Variants in GFRA1 observed in about 807,000 individuals in gnomAD.
GFRA1 encodes the protein GDNF family receptor alpha 1.
In GFRA1, 16 loss-of-function variants were observed where a neutral mutation model predicts 51.6. That is an observed-to-expected ratio of 0.31 (90% CI 0.21 to 0.47). GFRA1 has a LOEUF of 0.47. GFRA1 is among the 20% of genes least tolerant of loss of function. The pLI, the probability that GFRA1 is intolerant of heterozygous loss-of-function variation, is 1.00. For missense variants in GFRA1, 530 were observed against 594.3 expected (o/e 0.89, Z 1.13); for synonymous variants, 270 against 241.3 (o/e 1.12, Z -1.10).
intron 4 of GFRA1, among the ~76,000 whole-genome samples, chr10:116,227,927 A>C (rs1463217041): frequency 6.6e-6 from 1 of 152,212 alleles, no homozygotes; most frequent in African/African-American, 2.4e-5. Context: ...AATGTTCCTC[A>C]GTTAGAGGCT....
rs147775304 is a variant in GFRA1, at chr10:116,261,247, T to G, written c.418+8256A>C. On this transcript the variant is annotated intron_variant, in intron 4 of 10. Transcript: ENST00000355422. ...CCATTTACAAGCAAACACCTAATTT[T>G]ACTTGTCATCACTGTCCTAGACAAT... Among the ~76,000 whole-genome samples, 158 of 152,342 alleles carry G rather than the reference T, an allele frequency of 1.0e-3. 1 individual carries two copies. Among genetic ancestry groups the G allele is most frequent in the Admixed American group, 9.2e-3 (141 of 15,302 alleles).
chr10:116,188,350 C>A (rs1437706996), intron 5 of GFRA1, among the ~76,000 whole-genome samples: 1 of 152,164 alleles, frequency 6.6e-6, no homozygotes, highest in Non-Finnish European at 1.5e-5. Context: ...AATAGTGGAA[C>A]AGGCTGGACA....
intron 4 of GFRA1, among the ~76,000 whole-genome samples, chr10:116,224,785 A>G (rs1966163967): frequency 1.3e-5 from 2 of 152,158 alleles, no homozygotes; most frequent in South Asian, 4.1e-4. Flanking sequence ...CTCTGAATAT[A>G]CTAAAATCCA....
At chr10:116,079,086 C>T (rs939330528) in intron 9 of GFRA1, among the ~76,000 whole-genome samples, 5 of 151,950 alleles carry the variant, frequency 3.3e-5, no homozygotes, top group South Asian at 4.2e-4. Flanking sequence ...GCGCTGGATG[C>T]GTAAAAACAC....
intron 4 of GFRA1, among the ~76,000 whole-genome samples, chr10:116,214,134 T>C (rs538806626): frequency 2.0e-5 from 3 of 152,010 alleles, no homozygotes; most frequent in Admixed American, 6.6e-5. Context: ...CTGGAACCCA[T>C]AGTCTGCACC....
intron 5 of GFRA1, among the ~76,000 whole-genome samples, chr10:116,176,695 C>T (rs1961636718): frequency 6.6e-6 from 1 of 151,626 alleles, no homozygotes; most frequent in African/African-American, 2.4e-5. Flanking sequence ...AATGGCCTAA[C>T]ACACCCCTTT....
intron 5 of GFRA1, among the ~76,000 whole-genome samples, chr10:116,139,248 C>A (rs1958462716): frequency 6.6e-6 from 1 of 152,198 alleles, no homozygotes; most frequent in South Asian, 2.1e-4. Context: ...CATTCCTGAG[C>A]TTTTCACACA....
chr10:116,160,923 T>G (rs1238027075), intron 5 of GFRA1, among the ~76,000 whole-genome samples: 1 of 152,164 alleles, frequency 6.6e-6, no homozygotes, highest in African/African-American at 2.4e-5. Context: ...CGATCTTAAT[T>G]TACTGCTCAA....
chr10:116,151,628 T>A (rs913445258), intron 5 of GFRA1, among the ~76,000 whole-genome samples: 2 of 152,100 alleles, frequency 1.3e-5, no homozygotes. Flanking sequence ...GGAGAGCCCC[T>A]ATGGAATTTG....
intron 6 of GFRA1, among the ~76,000 whole-genome samples, chr10:116,108,619 C>T (rs1207778057): frequency 6.6e-6 from 1 of 152,144 alleles, no homozygotes; most frequent in Non-Finnish European, 1.5e-5. Flanking sequence ...CTGACCCCTC[C>T]ACATCTCCTC....
chr10:116,143,334 TA>T lies in GFRA1; in HGVS notation c.434-17778del, dbSNP rs34109837. ...ACTGTCAGTTCAATTTTTTTTTAAT[TA>T]AAAAAAAAAAAGGACCTAGAAGGCT... is the stretch of plus-strand genomic sequence containing the variant. On this transcript the variant is annotated intron_variant, in intron 5 of 10. Coordinates refer to ENST00000355422, the MANE Select transcript of GFRA1 (RefSeq NM_005264.8). Among the ~76,000 whole-genome samples the T allele has an allele frequency of 9.5e-3, 1,370 of 144,302 alleles. 9 individuals carry two copies. Among genetic ancestry groups the T allele is most frequent in the Non-Finnish European group, 0.011 (749 of 66,308 alleles). The allele number at this position is 144,302 out of a possible 152,430, so 94.7% of individuals were successfully genotyped here. A position where few individuals can be genotyped will look rare whatever the true frequency, so the allele number is the denominator to read the frequency against.
At chr10:116,194,991 A>C (rs1299288744) in intron 5 of GFRA1, among the ~76,000 whole-genome samples, 1 of 152,222 alleles carries the variant, frequency 6.6e-6, no homozygotes, top group East Asian at 1.9e-4. Context: ...CTTTGTGGAA[A>C]CCATTCAACT....
At chr10:116,203,919 C>A (rs749986664) in intron 5 of GFRA1, among the ~76,000 whole-genome samples, 2 of 152,224 alleles carry the variant, frequency 1.3e-5, no homozygotes, top group Non-Finnish European at 2.9e-5. Context: ...ATGCAATTGG[C>A]CTCTGCTCTA....
intron 5 of GFRA1, among the ~76,000 whole-genome samples, chr10:116,173,604 G>A (rs1470221073): frequency 6.6e-6 from 1 of 152,174 alleles, no homozygotes; most frequent in African/African-American, 2.4e-5. Context: ...AAGGGCACAA[G>A]ATAGGACTAT....
Position 116,150,510 on chromosome 10 carries a change from C to T in GFRA1, c.434-24953G>A, listed in dbSNP as rs138373148. ...TGAACAGCCCATGCCTTTCTAAGAACGGTTTCCCATGTAACTGTTTTCCTG... is the reference window on the plus strand; with the variant it reads ...TGAACAGCCCATGCCTTTCTAAGAATGGTTTCCCATGTAACTGTTTTCCTG... On this transcript the variant is annotated intron_variant, in intron 5 of 10. Transcript: ENST00000355422. 2.9e-3 allele frequency among the ~76,000 whole-genome samples: 438 copies of T among 152,222 alleles called. 4 individuals carry two copies. Among genetic ancestry groups the T allele is most frequent in the South Asian group, 0.01 (49 of 4,818 alleles).
At chr10:116,079,756 C>T (rs985045809) in intron 9 of GFRA1, among the ~76,000 whole-genome samples, 6 of 152,230 alleles carry the variant, frequency 3.9e-5, no homozygotes, top group Admixed American at 3.3e-4. Context: ...AAGAACCATT[C>T]AACTCACAGC....
At chr10:116,224,818 G>A (rs1171921612) in intron 4 of GFRA1, among the ~76,000 whole-genome samples, 1 of 152,160 alleles carries the variant, frequency 6.6e-6, no homozygotes, top group African/African-American at 2.4e-5. Context: ...CTTTAAATGG[G>A]TGAATTGTAC....
At chr10:116,077,516 G>A (rs1055964544) in intron 9 of GFRA1, among the ~76,000 whole-genome samples, 6 of 152,140 alleles carry the variant, frequency 3.9e-5, no homozygotes, top group East Asian at 1.9e-4. Flanking sequence ...TGCTAAAACC[G>A]TAATCTGAAA....
At position 116,062,771 on chromosome 10, in the gene GFRA1, AAACCAGACTTC is replaced by A. The variant is rs1954882899; in HGVS notation, c.*1616_*1626del. On this transcript the variant is annotated 3_prime_UTR_variant, in exon 11 of 11. Transcript: ENST00000355422. ...TTGTAGATTCGGAATCTCGCCATCTAAACCAGACTTCAAAAGTGCACTTTCGGGTCTACTTA... is the reference window on the plus strand; with the variant it reads ...TTGTAGATTCGGAATCTCGCCATCTAAAAAGTGCACTTTCGGGTCTACTTA... 6.6e-6 allele frequency: 1 copy of A among 152,178 alleles called. No homozygotes were observed. Among genetic ancestry groups the A allele is most frequent in the East Asian group, 1.9e-4 (1 of 5,190 alleles). The allele number at this position is 152,178 out of a possible 1,614,324, so 9.4% of individuals were successfully genotyped here.
Sources: allele counts gnomAD v4.1 joint callset (sites outside exome capture counted in the v4.1 genomes callset), GRCh38; gene constraint gnomAD v4.1.1; transcripts MANE v1.5; gene names NCBI Gene and HGNC (gene_info 2026-07-23, HGNC 2026-07-21).